The following ATP2B4 variants were observed in gnomAD, a reference collection of about 807,000 sequenced individuals.
The protein encoded by ATP2B4 is ATPase plasma membrane Ca2+ transporting 4.
Under a neutral mutation model 110.3 loss-of-function variants are expected in ATP2B4, and 39 were observed. The observed-to-expected ratio is 0.35, with a 90% CI of 0.27 to 0.46. ATP2B4 has a LOEUF of 0.46. ATP2B4 is among the 20% of genes least tolerant of loss of function. The pLI, the probability that ATP2B4 is intolerant of heterozygous loss-of-function variation, is 1.00. For missense variants in ATP2B4, 1,135 were observed against 1,530.9 expected (o/e 0.74, Z 4.32); for synonymous variants, 538 against 571.7 (o/e 0.94, Z 0.84).
intron 11 of ATP2B4, among the ~76,000 whole-genome samples, chr1:203,709,982 A>G (rs1454769235): frequency 6.6e-6 from 1 of 152,226 alleles, no homozygotes; most frequent in Non-Finnish European, 1.5e-5. Context: ...CTTATACATA[A>G]CAAGTACTAG....
rs548979162 is a variant in ATP2B4 at position 203,654,014 on chromosome 1, G to A, written c.-465+26795G>A. On this transcript the variant is annotated intron_variant, in intron 1 of 20. Coordinates refer to ENST00000357681, the MANE Select transcript of ATP2B4 (RefSeq NM_001684.5). ...TTTTTTTTTTTTGAGATGGAGTTTCGCTCTTGTTGCCCAGGCTGGAGTGCA... is the reference window on the plus strand; with the variant it reads ...TTTTTTTTTTTTGAGATGGAGTTTCACTCTTGTTGCCCAGGCTGGAGTGCA... Among the ~76,000 whole-genome samples, 25 of 128,334 alleles carry A rather than the reference G, an allele frequency of 1.9e-4. 1 individual carries two copies. The South Asian group carries it at 4.3e-3, about 22-fold the overall frequency. The allele number at this position is 128,334 out of a possible 152,430, so 84.2% of individuals were successfully genotyped here.
intron 1 of ATP2B4, among the ~76,000 whole-genome samples, chr1:203,681,581 T>A (rs998539461): frequency 1.3e-5 from 2 of 152,114 alleles, no homozygotes; most frequent in Admixed American, 6.5e-5. Context: ...GTCAGTGGCA[T>A]GACACACAGC....
intron 1 of ATP2B4, among the ~76,000 whole-genome samples, chr1:203,670,684 T>C (rs1200364313): frequency 6.6e-6 from 1 of 152,230 alleles, no homozygotes; most frequent in Admixed American, 6.5e-5. Flanking sequence ...TTAGAAGTGA[T>C]GCCTGCTCTG....
chr1:203,661,925 C>T lies in ATP2B4; in HGVS notation c.-464-20817C>T, dbSNP rs975328362. Among the ~76,000 whole-genome samples, 43 of 152,190 alleles carry T rather than the reference C, an allele frequency of 2.8e-4. 1 individual carries two copies. The highest frequency in any genetic ancestry group is 9.7e-4 in the African/African-American group (40 of 41,450). On this transcript the variant is annotated intron_variant, in intron 1 of 20. Coordinates refer to ENST00000357681, the MANE Select transcript of ATP2B4 (RefSeq NM_001684.5). The stretch of plus-strand genomic sequence containing the variant: ...CTCTTCCCTTCTCCACCCTTCTCAC[C>T]TGTCTATACCAGGATGACTCTTCCA...
intron 12 of ATP2B4, 102 bp from the exon 13 acceptor site, chr1:203,711,858 G>A (rs952355632): frequency 5.2e-6 from 7 of 1,338,254 alleles, no homozygotes; most frequent in African/African-American, 1.5e-5. Context: ...CCACTTCTAG[G>A]GTGCCTTTCT....
intron 15 of ATP2B4, among the ~76,000 whole-genome samples, chr1:203,717,626 T>TTTA (rs1553250580): frequency 2.8e-5 from 4 of 144,226 alleles, no homozygotes; most frequent in Non-Finnish European, 6.0e-5. Flanking sequence ...ATGGTATTTA[T>TTTA]TTTATTTATT....
intron 19 of ATP2B4, among the ~76,000 whole-genome samples, chr1:203,726,258 G>T (rs942228836): frequency 1.3e-5 from 2 of 151,748 alleles, no homozygotes; most frequent in East Asian, 3.9e-4. Flanking sequence ...TAAAGAGATT[G>T]GGGTCTCACT....
rs1667018751 is a variant in ATP2B4, at chr1:203,742,757, A to T, written c.*2903A>T. On this transcript the variant is annotated 3_prime_UTR_variant, in exon 21 of 21. Coordinates refer to ENST00000357681, the MANE Select transcript of ATP2B4 (RefSeq NM_001684.5). Reference sequence around the variant, plus strand: ...AATAGCTGGCAGAGTGGTATAAAAGACACGAATATCTCCTGGTCTATAAGG... The same window carrying T: ...AATAGCTGGCAGAGTGGTATAAAAGTCACGAATATCTCCTGGTCTATAAGG... The T allele has an allele frequency of 6.6e-6, 1 of 152,210 alleles. No individual in the cohort carries two copies. The highest frequency in any genetic ancestry group is 2.4e-5 in the African/African-American group (1 of 41,434). 9.4% of individuals were successfully genotyped at this position (152,210 alleles called of 1,614,324 possible).
chr1:203,687,258 GAAA>G (rs1558034114), intron 2 of ATP2B4, among the ~76,000 whole-genome samples: 2 of 43,612 alleles, frequency 4.6e-5, no homozygotes, highest in Non-Finnish European at 1.4e-4. Context: ...AAATAAGAAA[GAAA>G]AAGAAAGAAA....
intron 20 of ATP2B4, among the ~76,000 whole-genome samples, chr1:203,734,771 A>C (rs111592426): frequency 6.6e-6 from 1 of 150,702 alleles, no homozygotes; most frequent in Non-Finnish European, 1.5e-5. Context: ...CTGGGAGGCC[A>C]AGGCAGGTGG....
At chr1:203,725,904 C>CTTTTCTT (rs1553251342) in intron 19 of ATP2B4, among the ~76,000 whole-genome samples, 11 of 93,382 alleles carry the variant, frequency 1.2e-4, no homozygotes, top group East Asian at 9.7e-4. Flanking sequence ...CTTTTCTTTT[C>CTTTTCTT]TTTTTTTTTT....
intron 1 of ATP2B4, among the ~76,000 whole-genome samples, chr1:203,661,801 T>C (rs555094837): frequency 1.3e-5 from 2 of 152,144 alleles, no homozygotes; most frequent in East Asian, 3.9e-4. Context: ...GTGTCTGTGG[T>C]GACTGACCTG....
At chr1:203,688,021 T>TATTATTATTA (rs1188146921) in intron 2 of ATP2B4, among the ~76,000 whole-genome samples, 2 of 147,672 alleles carry the variant, frequency 1.4e-5, no homozygotes, top group Non-Finnish European at 3.0e-5. Flanking sequence ...TTATTATTAT[T>TATTATTATTA]ATTATTATTA....
At chr1:203,684,209 T>C (rs927665931) in intron 2 of ATP2B4, among the ~76,000 whole-genome samples, 2 of 152,066 alleles carry the variant, frequency 1.3e-5, no homozygotes, top group Non-Finnish European at 2.9e-5. Context: ...TTCTCTATTG[T>C]ATACTGTTAG....
rs543596534 is a variant in ATP2B4, at chr1:203,732,276, G to C, written c.3309+4705G>C. ...CTTGTGTAAGCCTCGACCTGTAGCTGTTTCAACCACCACCAACCAAAACCT... is the reference window on the plus strand; with the variant it reads ...CTTGTGTAAGCCTCGACCTGTAGCTCTTTCAACCACCACCAACCAAAACCT... On this transcript the variant is annotated intron_variant, in intron 20 of 20. Coordinates refer to ENST00000357681, the MANE Select transcript of ATP2B4 (RefSeq NM_001684.5). Among the ~76,000 whole-genome samples the C allele has an allele frequency of 3.3e-5, 5 of 152,128 alleles. No homozygotes were observed. The East Asian group carries it at 9.6e-4, about 29-fold the overall frequency.
In ATP2B4 at chr1:203,731,629, A is replaced by G. The variant is rs142193703; in HGVS notation, c.3309+4058A>G. Among the ~76,000 whole-genome samples, 270 of 151,954 alleles carry G rather than the reference A, an allele frequency of 1.8e-3. 1 individual carries two copies. The highest frequency in any genetic ancestry group is 6.2e-3 in the African/African-American group (255 of 41,444). ...CACTTTGGGAGGCTGAGGAAGGCAA[A>G]TCACAAGGTCAGGAGTTCGAGACCA... On this transcript the variant is annotated intron_variant, in intron 20 of 20. Transcript: ENST00000357681.
chr1:203,699,725 C>A lies in ATP2B4; in HGVS notation c.649+8C>A. ...TTGCCCAAGTCAAATACGGTGAGAG[C>A]TCCGTGTTTCTTTTGCTTACCCCAC... On this transcript the variant is annotated splice_region_variant and intron_variant, in intron 4 of 20. Transcript: ENST00000357681. 6.2e-7 allele frequency: 1 copy of A among 1,612,166 alleles called. No homozygotes were observed. The highest frequency in any genetic ancestry group is 8.5e-7 in the Non-Finnish European group (1 of 1,178,740).
intron 1 of ATP2B4, among the ~76,000 whole-genome samples, chr1:203,628,114 C>T (rs1292362735): frequency 6.6e-6 from 1 of 152,192 alleles, no homozygotes; most frequent in Non-Finnish European, 1.5e-5. Context: ...GGGCCACAGG[C>T]ATCTGTGGAA....
rs2102403730 is a variant in ATP2B4, at chr1:203,714,160, G to A, written c.2300-11G>A. The stretch of plus-strand genomic sequence containing the variant: ...CAGAAAAGCTCACTGTGGTGTGTCT[G>A]TTTCTCCCAGGCATAATTGACAGCA... On this transcript the variant is annotated splice_polypyrimidine_tract_variant and intron_variant, in intron 14 of 20. Coordinates refer to ENST00000357681, the MANE Select transcript of ATP2B4 (RefSeq NM_001684.5). The A allele has an allele frequency of 1.2e-6, 2 of 1,613,722 alleles. No homozygotes were observed. The highest frequency in any genetic ancestry group is 1.7e-6 in the Non-Finnish European group (2 of 1,179,740).
Sources: gnomAD v4.1 joint callset for allele counts (sites outside exome capture counted in the v4.1 genomes callset) on GRCh38, gnomAD v4.1.1 for gene constraint, MANE v1.5 for transcripts, NCBI Gene and HGNC (gene_info 2026-07-23, HGNC 2026-07-21) for gene names.